TEX9: variants seen among roughly 807,000 people sequenced by gnomAD.
TEX9 encodes testis expressed 9.
TEX9 carries 74 observed loss-of-function variants against 59.6 expected under a neutral mutation model. The observed-to-expected ratio is 1.24, with a 90% CI of 1.03 to 1.51. TEX9 has a LOEUF of 1.51. Among genes scored for constraint, TEX9 ranks in the 40% most tolerant of loss-of-function variants. The pLI is 0.00. For missense variants in TEX9, 522 were observed against 447.8 expected, an observed-to-expected ratio of 1.17 and a Z score of -1.49; for synonymous variants, 186 against 152.2, an observed-to-expected ratio of 1.22 and a Z score of -1.64.
chr15:56,288,009 C>T (rs2141487147), intron 1 of TEX9, among the ~76,000 whole-genome samples: 1 of 152,262 alleles, frequency 6.6e-6, no homozygotes, highest in South Asian at 2.1e-4. Context: ...CTTTGACATA[C>T]TGATTTCATG....
At chr15:56,245,770 T>C (rs762825264) in intron 1 of TEX9, among the ~76,000 whole-genome samples, 12 of 152,230 alleles carry the variant, frequency 7.9e-5, no homozygotes, top group Non-Finnish European at 1.8e-4. Context: ...AATTAGTAAA[T>C]GCAGGAGCCA....
chr15:56,312,284 C>T (rs1431770114), intron 1 of TEX9, among the ~76,000 whole-genome samples: 2 of 138,140 alleles, frequency 1.4e-5, no homozygotes, highest in Admixed American at 7.5e-5. Flanking sequence ...TTAGGTCTAA[C>T]GTTTAAGTCT....
intron 1 of TEX9, among the ~76,000 whole-genome samples, chr15:56,261,620 G>A (rs1476213767): frequency 1.3e-5 from 2 of 152,140 alleles, no homozygotes; most frequent in South Asian, 2.1e-4. Flanking sequence ...GGGAAGCTGA[G>A]GCATGGGAAT....
intron 1 of TEX9, among the ~76,000 whole-genome samples, chr15:56,260,985 T>C (rs1255316567): frequency 6.6e-6 from 1 of 151,900 alleles, no homozygotes; most frequent in African/African-American, 2.4e-5. Flanking sequence ...ATATAAATTA[T>C]TCATTTTATA....
intron 1 of TEX9, among the ~76,000 whole-genome samples, chr15:56,330,096 C>A (rs2682023): frequency 0.33 from 50,433 of 151,368 alleles, 10,213 homozygotes; most frequent in Non-Finnish European, 0.45. Context: ...TCCATGGAAA[C>A]CTTATGGGCC....
At chr15:56,367,952 A>T (rs1419637961) in intron 2 of TEX9, among the ~76,000 whole-genome samples, 3 of 152,148 alleles carry the variant, frequency 2.0e-5, no homozygotes, top group Admixed American at 1.3e-4. Context: ...GAAGACAATT[A>T]TATGCAAATT....
chr15:56,454,180 T>G, the TEX9 span, among the ~76,000 whole-genome samples: 1 of 152,310 alleles, frequency 6.6e-6, no homozygotes, highest in African/African-American at 2.4e-5. Flanking sequence ...AGTTGTAAAT[T>G]TTTTTGTATA....
intron 1 of TEX9, among the ~76,000 whole-genome samples, chr15:56,348,900 A>C (rs1275433768): frequency 5.4e-5 from 8 of 148,834 alleles, no homozygotes; most frequent in African/African-American, 1.7e-4. Context: ...TTGCCTCACA[A>C]GTCCCTGAGT....
intron 3 of TEX9, among the ~76,000 whole-genome samples, chr15:56,381,709 GTC>G (rs1213037070): frequency 6.6e-6 from 1 of 152,238 alleles, no homozygotes; most frequent in African/African-American, 2.4e-5. Flanking sequence ...AACAAATGGA[GTC>G]TCTTTCTCTC....
upstream of TEX9, among the ~76,000 whole-genome samples, chr15:56,363,649 A>T (rs28807790): frequency 7.3e-5 from 11 of 150,888 alleles, no homozygotes; most frequent in Non-Finnish European, 1.3e-4. Context: ...TGTCTTTTTT[A>T]AAAATTTTTT....
At chr15:56,417,283 T>C (rs2049740570) in intron 10 of TEX9, among the ~76,000 whole-genome samples, 1 of 151,902 alleles carries the variant, frequency 6.6e-6, no homozygotes, top group Admixed American at 6.6e-5. Context: ...CTTTCAGTTG[T>C]GAAGTTACGT....
intron 12 of TEX9, chr15:56,429,098 A>C: frequency 6.4e-7 from 1 of 1,566,184 alleles, no homozygotes; most frequent in Non-Finnish European, 8.7e-7. Flanking sequence ...AATTTTGATG[A>C]TATCATTTCT....
intron 1 of TEX9, among the ~76,000 whole-genome samples, chr15:56,317,287 A>T (rs1004195325): frequency 6.6e-6 from 1 of 152,246 alleles, no homozygotes; most frequent in Non-Finnish European, 1.5e-5. Context: ...TTCTAGGAAT[A>T]TACTCATTTC....
chr15:56,405,254 C>T (rs1388718012), intron 9 of TEX9, among the ~76,000 whole-genome samples: 2 of 151,018 alleles, frequency 1.3e-5, no homozygotes, highest in East Asian at 3.9e-4. Flanking sequence ...TTGCGGTAAG[C>T]CTAGATGTCG....
the TEX9 span, among the ~76,000 whole-genome samples, chr15:56,458,875 A>G: frequency 6.6e-6 from 1 of 152,202 alleles, no homozygotes; most frequent in African/African-American, 2.4e-5. Flanking sequence ...GGTTGCTTCT[A>G]AATTTTGACA....
intron 10 of TEX9, among the ~76,000 whole-genome samples, chr15:56,427,261 A>C (rs1490374894): frequency 6.7e-6 from 1 of 149,020 alleles, no homozygotes; most frequent in Non-Finnish European, 1.5e-5. Flanking sequence ...ACTCATCTAC[A>C]CCTTCAAATA....
chr15:56,400,203 T>A (rs1043923852), intron 9 of TEX9, among the ~76,000 whole-genome samples: 2 of 152,194 alleles, frequency 1.3e-5, no homozygotes, highest in Non-Finnish European at 2.9e-5. Context: ...GATCATGATG[T>A]TCTAACCCAA....
chr15:56,299,901 T>C (rs889623528), intron 1 of TEX9, among the ~76,000 whole-genome samples: 1 of 152,156 alleles, frequency 6.6e-6, no homozygotes, highest in Non-Finnish European at 1.5e-5. Context: ...AGCCAGGCAG[T>C]ACTCACCAGG....
At position 56,365,679 on chromosome 15, in the gene TEX9, T is replaced by G; in HGVS notation, c.119+9T>G. The G allele has an allele frequency of 6.2e-7, 1 of 1,613,848 alleles. No homozygotes were observed. Among genetic ancestry groups the G allele is most frequent in the Non-Finnish European group, 8.5e-7 (1 of 1,179,894 alleles). ...TTGGAGGAAGAATATAAGTAAGAAA[T>G]TCGGCGGTTGAACTTTTCCTTCTTT... On this transcript the variant is annotated intron_variant, in intron 2 of 12. Coordinates refer to ENST00000352903, the Ensembl canonical transcript of TEX9.
Sources: allele counts gnomAD v4.1 joint callset (sites outside exome capture counted in the v4.1 genomes callset), GRCh38; gene constraint gnomAD v4.1.1; transcripts MANE v1.5; gene names NCBI Gene and HGNC (gene_info 2026-07-23, HGNC 2026-07-21).